The following ROBO1 variants were observed in gnomAD, a reference collection of about 807,000 sequenced individuals.
ROBO1 encodes roundabout homolog 1.
A neutral mutation model predicts 195.9 loss-of-function variants in ROBO1; 149 were observed. The ratio of observed to expected loss-of-function variants is 0.76; its 90% CI spans 0.67 to 0.87. The LOEUF is 0.87. Among genes scored for constraint, ROBO1 ranks in the 40% least tolerant of loss-of-function variants. ROBO1 has a pLI of 0.00. For missense variants in ROBO1, 1,933 were observed against 2,068.3 expected, an observed-to-expected ratio of 0.93 and a Z score of 1.27; for synonymous variants, 816 against 733.2, an observed-to-expected ratio of 1.11 and a Z score of -1.82.
At chr3:79,561,620 G>A (rs960779832) in intron 2 of ROBO1, among the ~76,000 whole-genome samples, 11 of 152,276 alleles carry the variant, frequency 7.2e-5, no homozygotes, top group African/African-American at 1.9e-4. Flanking sequence ...AGGCAACTTG[G>A]TCAGATTTAT....
intron 8 of ROBO1, among the ~76,000 whole-genome samples, chr3:78,697,045 GACACAC>G (rs10663468): frequency 8.8e-4 from 129 of 146,504 alleles, no homozygotes; most frequent in African/African-American, 2.2e-3. Context: ...GTCACACACA[GACACAC>G]ACACACACAC....
At chr3:79,173,277 G>A (rs1283169227) in intron 2 of ROBO1, among the ~76,000 whole-genome samples, 3 of 152,166 alleles carry the variant, frequency 2.0e-5, no homozygotes, top group Admixed American at 6.5e-5. Context: ...CACTGTGGGA[G>A]CCCCTTCCTG....
At chr3:79,199,423 C>CTA (rs1211287050) in intron 2 of ROBO1, among the ~76,000 whole-genome samples, 1 of 151,778 alleles carries the variant, frequency 6.6e-6, no homozygotes, top group Non-Finnish European at 1.5e-5. Flanking sequence ...GGAGAACTGA[C>CTA]TATCACTCCT....
intron 4 of ROBO1, chr3:78,759,458 G>A (rs2083034500): frequency 6.6e-6 from 1 of 150,894 alleles, no homozygotes; most frequent in Admixed American, 6.6e-5. Context: ...CTATTTTACA[G>A]CATAAGAATT....
At chr3:79,363,561 A>C (rs1426896997) in intron 2 of ROBO1, among the ~76,000 whole-genome samples, 1 of 152,254 alleles carries the variant, frequency 6.6e-6, no homozygotes, top group Non-Finnish European at 1.5e-5. Context: ...CGTATAATTA[A>C]TGTGTGTATA....
intron 4 of ROBO1, among the ~76,000 whole-genome samples, chr3:78,856,284 C>T (rs1381348456): frequency 1.7e-5 from 1 of 58,918 alleles, no homozygotes; most frequent in Non-Finnish European, 3.4e-5. Context: ...AATAACCTAG[C>T]AAAAAAAAGA....
intron 2 of ROBO1, among the ~76,000 whole-genome samples, chr3:79,480,951 T>C (rs1938817051): frequency 6.6e-6 from 1 of 152,160 alleles, no homozygotes; most frequent in Non-Finnish European, 1.5e-5. Context: ...AGAGAAGACA[T>C]GTGAGATCAA....
At chr3:78,937,062 G>A (rs1271942980) in intron 4 of ROBO1, among the ~76,000 whole-genome samples, 1 of 151,988 alleles carries the variant, frequency 6.6e-6, no homozygotes, top group Non-Finnish European at 1.5e-5. Context: ...TTTTAACACA[G>A]TTTAAAATGG....
chr3:79,317,696 C>T (rs146622015), intron 2 of ROBO1, among the ~76,000 whole-genome samples: 2 of 152,092 alleles, frequency 1.3e-5, no homozygotes, highest in African/African-American at 4.8e-5. Context: ...CTCTTCTATC[C>T]CCACCCCATG....
chr3:78,693,648 CTT>C (rs758546398), intron 8 of ROBO1, among the ~76,000 whole-genome samples: 5 of 152,114 alleles, frequency 3.3e-5, no homozygotes, highest in Non-Finnish European at 7.4e-5. Flanking sequence ...TTTAAAATAA[CTT>C]TACATTTTGC....
At chr3:79,731,824 T>C (rs1703158989) in intron 1 of ROBO1, among the ~76,000 whole-genome samples, 1 of 152,190 alleles carries the variant, frequency 6.6e-6, no homozygotes, top group Non-Finnish European at 1.5e-5. Context: ...ATACAAATCA[T>C]ACCTGTTCAG....
chr3:79,315,071 A>T (rs988631223), intron 2 of ROBO1, among the ~76,000 whole-genome samples: 7 of 152,182 alleles, frequency 4.6e-5, no homozygotes, highest in African/African-American at 1.7e-4. Context: ...AAGAACTTTG[A>T]CTTCTAATCT....
chr3:79,376,251 G>A (rs560255522), intron 2 of ROBO1, among the ~76,000 whole-genome samples: 7 of 152,252 alleles, frequency 4.6e-5, no homozygotes, highest in Admixed American at 1.3e-4. Flanking sequence ...CTCACATCTA[G>A]TTACTAACGC....
At chr3:79,114,683 T>C (rs1366793404) in intron 3 of ROBO1, among the ~76,000 whole-genome samples, 1 of 152,220 alleles carries the variant, frequency 6.6e-6, no homozygotes, top group Non-Finnish European at 1.5e-5. Context: ...GGTCTAGTCA[T>C]ATCAGGACAT....
intron 8 of ROBO1, among the ~76,000 whole-genome samples, chr3:78,689,745 A>G (rs1338305162): frequency 1.3e-5 from 2 of 151,934 alleles, no homozygotes; most frequent in South Asian, 4.1e-4. Context: ...TGTCTACTCC[A>G]CTTTTTAAGA....
At chr3:79,372,037 T>C (rs2036213684) in intron 2 of ROBO1, among the ~76,000 whole-genome samples, 1 of 152,020 alleles carries the variant, frequency 6.6e-6, no homozygotes, top group Non-Finnish European at 1.5e-5. Flanking sequence ...TGTGCTCCTA[T>C]GAGAATCTAG....
intron 2 of ROBO1, among the ~76,000 whole-genome samples, chr3:79,486,185 CTTTT>C (rs370026806): frequency 6.6e-6 from 1 of 151,446 alleles, no homozygotes; most frequent in Non-Finnish European, 1.5e-5. Flanking sequence ...AAAGTATTGT[CTTTT>C]TTTTAAGTTT....
intron 2 of ROBO1, among the ~76,000 whole-genome samples, chr3:79,241,097 T>C (rs2082508104): frequency 6.6e-6 from 1 of 152,206 alleles, no homozygotes; most frequent in Non-Finnish European, 1.5e-5. Flanking sequence ...TCTTCTAGCT[T>C]AATCTTCCAA....
intron 3 of ROBO1, among the ~76,000 whole-genome samples, chr3:78,948,599 G>T (rs1040439287): frequency 5.3e-5 from 8 of 151,910 alleles, no homozygotes; most frequent in Non-Finnish European, 7.4e-5. Flanking sequence ...CTTTGAAAAC[G>T]GGCACAAGAC....
Sources: gnomAD v4.1 joint callset for allele counts (sites outside exome capture counted in the v4.1 genomes callset) on GRCh38, gnomAD v4.1.1 for gene constraint, MANE v1.5 for transcripts, NCBI Gene and HGNC (gene_info 2026-07-23, HGNC 2026-07-21) for gene names.